NAA16: variants seen among roughly 807,000 people sequenced by gnomAD.
The protein encoded by NAA16 is N-alpha-acetyltransferase 16, NatA auxiliary subunit, also known as NARG1-like protein.
NAA16 carries 97 observed loss-of-function variants against 110.3 expected under a neutral mutation model. The ratio of observed to expected loss-of-function variants is 0.88; its 90% CI spans 0.75 to 1.04. The LOEUF (loss-of-function observed/expected upper bound fraction) is 1.04. Ranked by LOEUF, NAA16 falls within the 50% of genes least tolerant of loss-of-function variation. NAA16 has a pLI of 0.00. For synonymous variants in NAA16, 372 were observed against 330.6 expected (o/e 1.13, Z -1.36); for missense variants, 1,017 against 1,005.1 (o/e 1.01, Z -0.16).
At chr13:41,339,965 T>G (rs2042491733) in intron 9 of NAA16, among the ~76,000 whole-genome samples, 1 of 152,164 alleles carries the variant, frequency 6.6e-6, no homozygotes, top group African/African-American at 2.4e-5. Context: ...AAGGAGAAAT[T>G]CTCATTTTCC....
chr13:41,354,677 T>C (rs1479945674), intron 9 of NAA16: 2 of 152,464 alleles, frequency 1.3e-5, no homozygotes, highest in African/African-American at 4.8e-5. Context: ...TATTTTGTAG[T>C]AGGTAGATAA....
Position 41,328,862 on chromosome 13 carries a change from CCT to C in NAA16, c.811+22_811+23del, listed in dbSNP as rs2042161445. On this transcript the variant is annotated intron_variant, in intron 7 of 19. Transcript: ENST00000379406. ...CAAATTAGTATGTAATGATTTTTCTCCTCTTTCTCATAACTACTGATTGAAGT... is the reference window on the plus strand; with the variant it reads ...CAAATTAGTATGTAATGATTTTTCTCCTTTCTCATAACTACTGATTGAAGT... The C allele has an allele frequency of 1.3e-6, 2 of 1,573,916 alleles. No homozygotes were observed. Among genetic ancestry groups the C allele is most frequent in the African/African-American group, 1.4e-5 (1 of 73,862 alleles).
At chr13:41,353,524 G>A (rs2042897160) in intron 9 of NAA16, among the ~76,000 whole-genome samples, 1 of 151,546 alleles carries the variant, frequency 6.6e-6, no homozygotes, top group Non-Finnish European at 1.5e-5. Context: ...CAGCACTTTG[G>A]TAGGTGGAGG....
chr13:41,373,824 GAACAA>G (rs1360319313), intron 18 of NAA16, 44 bp downstream of exon 18: 7 of 1,539,804 alleles, frequency 4.5e-6, no homozygotes, highest in Non-Finnish European at 6.1e-6. Flanking sequence ...TGGAAAAAGC[GAACAA>G]AGAGAAAGCT....
intron 1 of NAA16, among the ~76,000 whole-genome samples, chr13:41,312,294 C>T (rs1326757020): frequency 6.6e-6 from 1 of 152,136 alleles, no homozygotes; most frequent in Non-Finnish European, 1.5e-5. Flanking sequence ...CGTGGACTGG[C>T]TGGTTTTGCA....
chr13:41,342,299 G>A (rs1187763730), intron 9 of NAA16, among the ~76,000 whole-genome samples: 1 of 152,062 alleles, frequency 6.6e-6, no homozygotes, highest in African/African-American at 2.4e-5. Flanking sequence ...TGCCATGCCT[G>A]GCTAATTTTT....
At chr13:41,352,316 T>C (rs1009850906) in intron 9 of NAA16, among the ~76,000 whole-genome samples, 3 of 151,436 alleles carry the variant, frequency 2.0e-5, no homozygotes, top group African/African-American at 7.3e-5. Context: ...CACTCCAGCT[T>C]GGGTGAGAGA....
rs761494909 is a variant in NAA16 at position 41,374,844 on chromosome 13, G to GT, written c.2397+13dup. The GT allele has an allele frequency of 1.7e-5, 26 of 1,575,466 alleles. No individual in the cohort carries two copies. The highest frequency in any genetic ancestry group is 1.7e-4 in the Middle Eastern group (1 of 5,822). ...ATAAAAGATAAAGATGTAAAGGTAAGTTTTTTTTCTTTGGCTGATTTATGC... is the reference window on the plus strand; with the variant it reads ...ATAAAAGATAAAGATGTAAAGGTAAGTTTTTTTTTCTTTGGCTGATTTATGC... On this transcript the variant is annotated splice_donor_region_variant and intron_variant, in intron 19 of 19. Transcript: ENST00000379406.
intron 9 of NAA16, among the ~76,000 whole-genome samples, chr13:41,342,769 T>C (rs76641047): frequency 4.3e-4 from 65 of 152,304 alleles, no homozygotes; most frequent in African/African-American, 1.4e-3. Flanking sequence ...TGACCAGCCA[T>C]TTCATATGGT....
chr13:41,323,604 G>A (rs1005874947), intron 5 of NAA16, among the ~76,000 whole-genome samples: 3 of 150,850 alleles, frequency 2.0e-5, no homozygotes, highest in Non-Finnish European at 3.0e-5. Flanking sequence ...CGCCCACCTC[G>A]GCCTCCCAAA....
intron 7 of NAA16, 142 bp downstream of exon 7, chr13:41,328,985 G>A (rs1437115175): frequency 5.9e-6 from 4 of 673,466 alleles, no homozygotes; most frequent in African/African-American, 3.7e-5. Flanking sequence ...TTAAACATGG[G>A]AGTAAAAATG....
chr13:41,373,533 C>T, intron 17 of NAA16, 104 bp from the exon 18 acceptor site: 1 of 1,340,404 alleles, frequency 7.5e-7, no homozygotes, highest in Admixed American at 3.2e-5. Context: ...GCTGGGATTA[C>T]AGGCGTGAGC....
chr13:41,374,141 CT>C (rs200465136), intron 18 of NAA16, among the ~76,000 whole-genome samples: 12,437 of 140,806 alleles, frequency 0.088, 556 homozygotes, highest in East Asian at 0.21. Flanking sequence ...AATTATTTTT[CT>C]TTTTTTTTTT....
chr13:41,323,015 T>C (rs926568770), intron 4 of NAA16, 41 bp from the exon 5 acceptor site: 2 of 1,558,516 alleles, frequency 1.3e-6, no homozygotes, highest in African/African-American at 1.4e-5. Context: ...GATGAAATAA[T>C]GTTTTAGAGA....
At chr13:41,330,637 A>G (rs1029188066) in intron 7 of NAA16, among the ~76,000 whole-genome samples, 3 of 152,074 alleles carry the variant, frequency 2.0e-5, no homozygotes, top group Admixed American at 1.3e-4. Flanking sequence ...TCAGAGTAAC[A>G]TGTAGTTTAT....
chr13:41,314,265 A>T (rs987079453), intron 1 of NAA16, among the ~76,000 whole-genome samples: 1 of 152,208 alleles, frequency 6.6e-6, no homozygotes, highest in African/African-American at 2.4e-5. Flanking sequence ...TGTTATTGGC[A>T]GTATGATTAT....
At chr13:41,360,083 G>A (rs2043081903) in intron 12 of NAA16, among the ~76,000 whole-genome samples, 2 of 152,230 alleles carry the variant, frequency 1.3e-5, no homozygotes, top group East Asian at 1.9e-4. Flanking sequence ...TAAGAAGAGA[G>A]TACAAGGAAT....
intron 14 of NAA16, among the ~76,000 whole-genome samples, chr13:41,368,531 G>T (rs1414310575): frequency 1.3e-5 from 2 of 152,090 alleles, no homozygotes; most frequent in African/African-American, 4.8e-5. Context: ...AGTCACTGGG[G>T]ATACACTTTC....
chr13:41,358,791 C>G lies in NAA16; in HGVS notation c.1258-19C>G, dbSNP rs1555288502. 1.9e-6 allele frequency: 3 copies of G among 1,545,534 alleles called. No homozygotes were observed. In the East Asian group the frequency reaches 6.9e-5, roughly 35 times the overall value. On this transcript the variant is annotated intron_variant, in intron 11 of 19. Transcript: ENST00000379406. ...TTCTCTTGATTATAAATTGTGGTTCCTTTAATTATCTTTTATAGCATATAG... is the reference window on the plus strand; with the variant it reads ...TTCTCTTGATTATAAATTGTGGTTCGTTTAATTATCTTTTATAGCATATAG...
Sources: gnomAD v4.1 joint callset for allele counts (sites outside exome capture counted in the v4.1 genomes callset) on GRCh38, gnomAD v4.1.1 for gene constraint, MANE v1.5 for transcripts, NCBI Gene and HGNC (gene_info 2026-07-23, HGNC 2026-07-21) for gene names.